HSD17B12: variants seen among roughly 807,000 people sequenced by gnomAD.
HSD17B12 encodes very-long-chain 3-oxoacyl-CoA reductase.
Under a neutral mutation model 39.3 loss-of-function variants are expected in HSD17B12, and 32 were observed. The observed-to-expected ratio is 0.81, with a 90% CI of 0.61 to 1.09. The LOEUF is 1.09. Ranked by LOEUF, HSD17B12 falls within the 50% of genes least tolerant of loss-of-function variation. The pLI, the probability that HSD17B12 is intolerant of heterozygous loss-of-function variation, is 0.00. For missense variants in HSD17B12, 342 were observed against 382.9 expected, an observed-to-expected ratio of 0.89 and a Z score of 0.89; for synonymous variants, 150 against 146.7, an observed-to-expected ratio of 1.02 and a Z score of -0.16.
chr11:43,590,758 C>T, the HSD17B12 span, among the ~76,000 whole-genome samples: 1 of 150,328 alleles, frequency 6.7e-6, no homozygotes, highest in Admixed American at 6.6e-5. Context: ...GATCTGCCCA[C>T]CTCAGCCTCC....
At chr11:43,592,190 A>G in the HSD17B12 span, among the ~76,000 whole-genome samples, 2 of 152,204 alleles carry the variant, frequency 1.3e-5, no homozygotes, top group East Asian at 1.9e-4. Flanking sequence ...ACACATCAAA[A>G]CAGGTTGTTT....
the HSD17B12 span, among the ~76,000 whole-genome samples, chr11:43,619,260 T>C: frequency 1.1e-5 from 1 of 91,644 alleles, no homozygotes; most frequent in South Asian, 3.8e-4. Context: ...ATATATATAT[T>C]TTATATATAT....
the HSD17B12 span, among the ~76,000 whole-genome samples, chr11:43,561,787 T>C: frequency 6.6e-6 from 1 of 152,200 alleles, no homozygotes; most frequent in Non-Finnish European, 1.5e-5. Flanking sequence ...AAACCTTTAC[T>C]AGACTTGGAG....
intron 2 of HSD17B12, among the ~76,000 whole-genome samples, chr11:43,753,743 T>C (rs1419968046): frequency 6.6e-6 from 1 of 151,942 alleles, no homozygotes; most frequent in Non-Finnish European, 1.5e-5. Context: ...ATTTTTAAAT[T>C]ATAGAAGTGG....
intron 3 of HSD17B12, among the ~76,000 whole-genome samples, chr11:43,779,925 T>G (rs1441254982): frequency 6.6e-6 from 1 of 152,184 alleles, no homozygotes. Context: ...AAAACTTGGT[T>G]TCTTTTTTCA....
chr11:43,589,153 C>T, the HSD17B12 span, among the ~76,000 whole-genome samples: 411 of 152,216 alleles, frequency 2.7e-3, 1 homozygote, highest in Non-Finnish European at 4.2e-3. Context: ...TATTTGCTAT[C>T]GTAAATAATG....
chr11:43,680,642 C>A (rs754100487), upstream of HSD17B12: 12 of 613,490 alleles, frequency 2.0e-5, no homozygotes, highest in East Asian at 3.4e-4. Flanking sequence ...TGACGCACTA[C>A]GCGCAGAGGG....
the HSD17B12 span, among the ~76,000 whole-genome samples, chr11:43,576,985 A>G: frequency 1.3e-5 from 2 of 152,108 alleles, no homozygotes; most frequent in East Asian, 1.9e-4. Context: ...TTAATGGGCC[A>G]TATCTCTGAG....
At chr11:43,762,895 T>C (rs1251633717) in intron 3 of HSD17B12, among the ~76,000 whole-genome samples, 1 of 152,202 alleles carries the variant, frequency 6.6e-6, no homozygotes, top group African/African-American at 2.4e-5. Flanking sequence ...ATATTTATTA[T>C]TAATTACACC....
At position 43,831,267 on chromosome 11, in the gene HSD17B12, G is replaced by C; in HGVS notation, c.536+257G>C. ...TAGATCAGGATGAAAAAGCCTGCCTGAGTCACCATCACTAACTCAATTGCC... is the reference window on the plus strand; with the variant it reads ...TAGATCAGGATGAAAAAGCCTGCCTCAGTCACCATCACTAACTCAATTGCC... On this transcript the variant is annotated intron_variant, in intron 7 of 10. Transcript: ENST00000278353. This position sits in a 1 kb window ranked among gnomAD's most constrained non-coding sequence, Gnocchi z 4.1. The C allele has an allele frequency of 3.7e-6, 1 of 268,690 alleles. No homozygotes were observed. The highest frequency in any genetic ancestry group is 7.0e-6 in the Non-Finnish European group (1 of 143,038). 16.6% of individuals were successfully genotyped at this position (268,690 alleles called of 1,614,324 possible).
chr11:43,856,166 G>A lies in HSD17B12; in HGVS notation c.*918G>A, dbSNP rs1224283421. ...CTACAGGTAGCTATTGATATAATTAGTTTTAATAAAACATGCTGCAACCAT... is the reference window on the plus strand; with the variant it reads ...CTACAGGTAGCTATTGATATAATTAATTTTAATAAAACATGCTGCAACCAT... On this transcript the variant is annotated 3_prime_UTR_variant, in exon 11 of 11. Coordinates refer to ENST00000278353, the MANE Select transcript of HSD17B12 (RefSeq NM_016142.3). The A allele has an allele frequency of 6.6e-6, 1 of 152,128 alleles. No homozygotes were observed. Among genetic ancestry groups the A allele is most frequent in the Non-Finnish European group, 1.5e-5 (1 of 68,036 alleles). 9.4% of individuals were successfully genotyped at this position (152,128 alleles called of 1,614,324 possible). A position where few individuals can be genotyped will look rare whatever the true frequency, so the allele number is the denominator to read the frequency against.
At chr11:43,755,246 G>A (rs567200437) in intron 3 of HSD17B12, 44 of 174,790 alleles carry the variant, frequency 2.5e-4, no homozygotes, top group South Asian at 9.7e-4. Context: ...AAAATTGGCC[G>A]TCAAATTAGT....
intron 1 of HSD17B12, among the ~76,000 whole-genome samples, chr11:43,699,466 A>G (rs1315005298): frequency 6.6e-6 from 1 of 152,228 alleles, no homozygotes; most frequent in Non-Finnish European, 1.5e-5. Flanking sequence ...TGAAATGAGG[A>G]AATATTTTCC....
chr11:43,686,192 C>T (rs1049899746), intron 1 of HSD17B12, among the ~76,000 whole-genome samples: 2 of 152,078 alleles, frequency 1.3e-5, no homozygotes, highest in East Asian at 1.9e-4. Flanking sequence ...GTATAGATAC[C>T]TGTTCTTACT....
intron 8 of HSD17B12, among the ~76,000 whole-genome samples, chr11:43,839,547 CTTG>C (rs1951404869): frequency 6.6e-6 from 1 of 152,078 alleles, no homozygotes; most frequent in Non-Finnish European, 1.5e-5. Flanking sequence ...CTTCTTGGAT[CTTG>C]TCATCCCAAA....
At chr11:43,718,762 GA>G in intron 1 of HSD17B12, 1 of 1,266,374 alleles carries the variant, frequency 7.9e-7, no homozygotes, top group Non-Finnish European at 1.1e-6. Context: ...AGGCAGTGTT[GA>G]AAGGTGTTCA....
intron 1 of HSD17B12, among the ~76,000 whole-genome samples, chr11:43,724,918 T>A (rs1350124839): frequency 1.3e-5 from 2 of 152,218 alleles, no homozygotes; most frequent in African/African-American, 4.8e-5. Flanking sequence ...TTTAACAGTG[T>A]ATATTCATGT....
upstream of HSD17B12, among the ~76,000 whole-genome samples, chr11:43,678,310 T>G (rs1263154120): frequency 6.6e-6 from 1 of 152,212 alleles, no homozygotes; most frequent in Non-Finnish European, 1.5e-5. Flanking sequence ...TTTGTTTGAG[T>G]TCTTTGTAGA....
At chr11:43,782,580 G>A (rs1302554869) in intron 3 of HSD17B12, among the ~76,000 whole-genome samples, 1 of 151,644 alleles carries the variant, frequency 6.6e-6, no homozygotes, top group African/African-American at 2.4e-5. Flanking sequence ...TGAGGCTGAG[G>A]CAGGAGAATT....
Sources: allele counts gnomAD v4.1 joint callset (sites outside exome capture counted in the v4.1 genomes callset), GRCh38; gene constraint gnomAD v4.1.1; non-coding constraint Gnocchi (gnomAD v3.1); transcripts MANE v1.5; gene names NCBI Gene and HGNC (gene_info 2026-07-23, HGNC 2026-07-21).